The following CSMD1 variants were observed in gnomAD, a reference collection of about 807,000 sequenced individuals.
The protein encoded by CSMD1 is CUB and Sushi multiple domains 1.
CSMD1 carries 213 observed loss-of-function variants against 417.5 expected under a neutral mutation model. That is an observed-to-expected ratio of 0.51 (90% CI 0.46 to 0.57). The LOEUF is 0.57. Among genes scored for constraint, CSMD1 ranks in the 20% least tolerant of loss-of-function variants. The pLI, the probability that CSMD1 is intolerant of heterozygous loss-of-function variation, is 0.00. For missense variants in CSMD1, 6,923 were observed against 4,529.7 expected (o/e 1.53, Z -15.17); for synonymous variants, 2,862 against 1,736.8 (o/e 1.65, Z -16.11).
At chr8:4,239,154 C>T (rs1000484756) in intron 3 of CSMD1, among the ~76,000 whole-genome samples, 4 of 152,198 alleles carry the variant, frequency 2.6e-5, no homozygotes, top group African/African-American at 7.2e-5. Flanking sequence ...AAAATCATTA[C>T]GTTCTCCACC....
chr8:3,820,815 C>G lies in CSMD1; in HGVS notation c.819-66773G>C, dbSNP rs564389201. The stretch of plus-strand genomic sequence containing the variant: ...GCCAGGCTGATCTCCAATTCCTGAC[C>G]TCAGGTGATCTGCTGACCTCGACCT... On this transcript the variant is annotated intron_variant, in intron 5 of 69. Coordinates refer to ENST00000635120, the MANE Select transcript of CSMD1 (RefSeq NM_033225.6). Among the ~76,000 whole-genome samples, 6 of 152,230 alleles carry G rather than the reference C, an allele frequency of 3.9e-5. No individual in the cohort carries two copies. The South Asian group carries it at 1.2e-3, about 32-fold the overall frequency.
At chr8:4,294,537 A>G (rs1797558521) in intron 3 of CSMD1, among the ~76,000 whole-genome samples, 1 of 152,172 alleles carries the variant, frequency 6.6e-6, no homozygotes, top group Admixed American at 6.5e-5. Flanking sequence ...AGATGAGCAA[A>G]CACAAATCAC....
intron 58 of CSMD1, among the ~76,000 whole-genome samples, chr8:2,966,208 GCC>G (rs1332000254): frequency 6.6e-6 from 1 of 152,120 alleles, no homozygotes; most frequent in Non-Finnish European, 1.5e-5. Flanking sequence ...CCCTTGACTA[GCC>G]CCTAATTAGG....
At chr8:3,949,816 G>T (rs531974287) in intron 5 of CSMD1, 1 of 432,384 alleles carries the variant, frequency 2.3e-6, no homozygotes, top group Non-Finnish European at 4.6e-6. Context: ...CTGGGGCAAT[G>T]ACCTGCTTCC....
At chr8:3,649,274 A>G (rs1439490687) in intron 7 of CSMD1, among the ~76,000 whole-genome samples, 1 of 152,246 alleles carries the variant, frequency 6.6e-6, no homozygotes, top group East Asian at 1.9e-4. Context: ...ACTTAATATT[A>G]CTATGTGAGA....
At chr8:3,785,359 C>T (rs932294843) in intron 5 of CSMD1, among the ~76,000 whole-genome samples, 2 of 152,096 alleles carry the variant, frequency 1.3e-5, no homozygotes, top group African/African-American at 4.8e-5. Context: ...GCAGTGGAAC[C>T]ATTTCTTTTT....
intron 17 of CSMD1, among the ~76,000 whole-genome samples, chr8:3,390,079 G>C (rs1314944666): frequency 6.6e-6 from 1 of 152,116 alleles, no homozygotes; most frequent in Non-Finnish European, 1.5e-5. Context: ...ATTTGGCTGG[G>C]CACGGTGGCT....
At chr8:3,957,035 T>G (rs1811996934) in intron 5 of CSMD1, among the ~76,000 whole-genome samples, 1 of 151,918 alleles carries the variant, frequency 6.6e-6, no homozygotes, top group African/African-American at 2.4e-5. Flanking sequence ...CAGGCCTATC[T>G]CAGAAGGAAG....
At chr8:4,127,341 C>G (rs1413348936) in intron 3 of CSMD1, among the ~76,000 whole-genome samples, 3 of 150,938 alleles carry the variant, frequency 2.0e-5, no homozygotes, top group Non-Finnish European at 2.9e-5. Flanking sequence ...CAGTACAAGC[C>G]TCTCCCTTCC....
At chr8:3,152,118 T>G (rs1007729928) in intron 39 of CSMD1, among the ~76,000 whole-genome samples, 7 of 152,154 alleles carry the variant, frequency 4.6e-5, no homozygotes, top group Admixed American at 4.6e-4. Context: ...GCTTTTCAAT[T>G]TCGGAAGGCA....
intron 1 of CSMD1, among the ~76,000 whole-genome samples, chr8:4,986,592 G>A (rs1036843163): frequency 1.3e-5 from 2 of 151,608 alleles, no homozygotes; most frequent in Non-Finnish European, 2.9e-5. Flanking sequence ...ATACTAAACA[G>A]TAAAAGAAAA....
At chr8:4,746,750 C>A (rs192163585) in intron 1 of CSMD1, among the ~76,000 whole-genome samples, 88 of 152,078 alleles carry the variant, frequency 5.8e-4, no homozygotes, top group African/African-American at 1.7e-3. Flanking sequence ...ACCGGTAGAA[C>A]CTTCACTACA....
intron 5 of CSMD1, among the ~76,000 whole-genome samples, chr8:3,771,792 T>C (rs1235693506): frequency 6.6e-6 from 1 of 152,132 alleles, no homozygotes; most frequent in African/African-American, 2.4e-5. Flanking sequence ...AGGAAAGAAC[T>C]CTGGGAACCC....
At chr8:4,807,353 C>G (rs1182074008) in intron 1 of CSMD1, among the ~76,000 whole-genome samples, 5 of 152,138 alleles carry the variant, frequency 3.3e-5, no homozygotes, top group African/African-American at 9.7e-5. Context: ...AAAACCTATT[C>G]AGGGCAGTAC....
chr8:3,561,084 C>G (rs1182132367), intron 10 of CSMD1, among the ~76,000 whole-genome samples: 1 of 152,144 alleles, frequency 6.6e-6, no homozygotes, highest in Non-Finnish European at 1.5e-5. Context: ...ACATTAGAAC[C>G]ACAGTGAGAT....
At chr8:4,112,408 G>C (rs564003642) in intron 3 of CSMD1, among the ~76,000 whole-genome samples, 18 of 152,280 alleles carry the variant, frequency 1.2e-4, no homozygotes, top group Non-Finnish European at 2.4e-4. Context: ...GGCTGAGCTT[G>C]CCAGTAAATA....
intron 3 of CSMD1, among the ~76,000 whole-genome samples, chr8:4,190,795 G>A (rs1169576732): frequency 6.6e-6 from 1 of 152,122 alleles, no homozygotes; most frequent in African/African-American, 2.4e-5. Context: ...CATGTCCTCT[G>A]CAGGGACATG....
chr8:4,742,198 T>G (rs915748695), intron 1 of CSMD1, among the ~76,000 whole-genome samples: 1 of 150,534 alleles, frequency 6.6e-6, no homozygotes, highest in Non-Finnish European at 1.5e-5. Context: ...GCCCGGCTAA[T>G]TTTTTGTATT....
chr8:4,925,228 T>TTG (rs1563781511), intron 1 of CSMD1, among the ~76,000 whole-genome samples: 1 of 139,106 alleles, frequency 7.2e-6, no homozygotes, highest in Non-Finnish European at 1.5e-5. Context: ...TTTTTTTTTT[T>TTG]TTTTTTTTTT....
Sources: gnomAD v4.1 joint callset for allele counts (sites outside exome capture counted in the v4.1 genomes callset) on GRCh38, gnomAD v4.1.1 for gene constraint, MANE v1.5 for transcripts, NCBI Gene and HGNC (gene_info 2026-07-23, HGNC 2026-07-21) for gene names.